The following PDE7B variants were observed in gnomAD, a reference collection of about 807,000 sequenced individuals.
PDE7B encodes the protein 3',5'-cyclic-AMP phosphodiesterase 7B.
PDE7B carries 29 observed loss-of-function variants against 56.2 expected under a neutral mutation model. The ratio of observed to expected loss-of-function variants is 0.52; its 90% CI spans 0.38 to 0.70. PDE7B has a LOEUF of 0.70. Among genes scored for constraint, PDE7B ranks in the 30% least tolerant of loss-of-function variants. The pLI is 0.00. For synonymous variants in PDE7B, 197 were observed against 196.9 expected (o/e 1.00, Z 0.00); for missense variants, 490 against 565.0 (o/e 0.87, Z 1.35).
chr6:135,881,141 T>G (rs1775602293), intron 1 of PDE7B, among the ~76,000 whole-genome samples: 1 of 152,036 alleles, frequency 6.6e-6, no homozygotes, highest in Admixed American at 6.6e-5. Flanking sequence ...TGCTGTTGTA[T>G]GAGGCTACAT....
At chr6:135,877,905 G>A (rs887308075) in intron 1 of PDE7B, among the ~76,000 whole-genome samples, 9 of 152,144 alleles carry the variant, frequency 5.9e-5, no homozygotes, top group East Asian at 1.9e-4. Context: ...GAAGGAGCTC[G>A]TATATTTATA....
intron 1 of PDE7B, among the ~76,000 whole-genome samples, chr6:135,937,941 A>G (rs1774449192): frequency 6.6e-6 from 1 of 152,230 alleles, no homozygotes; most frequent in Non-Finnish European, 1.5e-5. Context: ...TTCCTTCCGC[A>G]AAACCAGATA....
chr6:136,182,784 T>C (rs557448468), intron 11 of PDE7B, among the ~76,000 whole-genome samples: 2 of 152,266 alleles, frequency 1.3e-5, no homozygotes, highest in South Asian at 4.1e-4. Context: ...ATAAGATCTC[T>C]TTTCTTGGGC....
At chr6:136,154,240 C>A in intron 7 of PDE7B, 65 bp downstream of exon 7, 3 of 890,530 alleles carry the variant, frequency 3.4e-6, no homozygotes, top group Admixed American at 1.9e-5. Context: ...CTGCTAGGCC[C>A]AAGTTACCCA....
chr6:136,107,392 C>A (rs1777663650), intron 2 of PDE7B, among the ~76,000 whole-genome samples: 1 of 152,162 alleles, frequency 6.6e-6, no homozygotes, highest in African/African-American at 2.4e-5. Flanking sequence ...TCCTCTGATT[C>A]CATATTATAT....
At chr6:135,854,382 C>T (rs543464388) in intron 1 of PDE7B, among the ~76,000 whole-genome samples, 1 of 152,214 alleles carries the variant, frequency 6.6e-6, no homozygotes, top group South Asian at 2.1e-4. Context: ...AGTAGTTGAC[C>T]TCACATTGTT....
chr6:136,173,401 G>T lies in PDE7B; in HGVS notation c.712-396G>T, dbSNP rs1221680961. On this transcript the variant is annotated intron_variant, in intron 8 of 12. Coordinates refer to ENST00000308191, the MANE Select transcript of PDE7B (RefSeq NM_018945.4). ...AAACCTGAGAAAAACAAGCAATGGGGAAAGGATTCCCTATTTAATAAATGG... is the reference window on the plus strand; with the variant it reads ...AAACCTGAGAAAAACAAGCAATGGGTAAAGGATTCCCTATTTAATAAATGG... Among the ~76,000 whole-genome samples, 4 of 152,142 alleles carry T rather than the reference G, an allele frequency of 2.6e-5. No homozygotes were observed. In the East Asian group the frequency reaches 5.8e-4, roughly 22 times the overall value.
intron 2 of PDE7B, among the ~76,000 whole-genome samples, chr6:135,980,015 G>T (rs1043894084): frequency 1.1e-4 from 16 of 152,092 alleles, no homozygotes; most frequent in African/African-American, 3.9e-4. Context: ...AAAGCTGAAG[G>T]CATCATGCTG....
intron 1 of PDE7B, among the ~76,000 whole-genome samples, chr6:135,870,014 CAGGG>C (rs1775345026): frequency 6.6e-6 from 1 of 152,118 alleles, no homozygotes; most frequent in Admixed American, 6.6e-5. Flanking sequence ...ACCATGTAGA[CAGGG>C]AGGAGAGACC....
Position 135,876,852 on chromosome 6 carries a change from CTG to C in PDE7B, c.21+24837_21+24838del, listed in dbSNP as rs1200226405. 2.7e-5 allele frequency among the ~76,000 whole-genome samples: 4 copies of C among 145,682 alleles called. No individual in the cohort carries two copies. The South Asian group carries it at 6.3e-4, about 23-fold the overall frequency. On this transcript the variant is annotated intron_variant, in intron 1 of 12. Coordinates refer to ENST00000308191, the MANE Select transcript of PDE7B (RefSeq NM_018945.4). ...CCAGCCTGGGTGACAGTGAGAGACT[CTG>C]TGTCAAAAAAAAAAAAAATTCCCAT...
intron 6 of PDE7B, among the ~76,000 whole-genome samples, chr6:136,152,638 A>G (rs934353961): frequency 6.6e-6 from 1 of 152,146 alleles, no homozygotes; most frequent in Non-Finnish European, 1.5e-5. Context: ...GCATATTCTT[A>G]TTTATCTGCC....
chr6:135,861,640 C>T (rs1775148971), intron 1 of PDE7B, among the ~76,000 whole-genome samples: 1 of 151,272 alleles, frequency 6.6e-6, no homozygotes, highest in African/African-American at 2.4e-5. Flanking sequence ...TGATTCTTTA[C>T]ATTTTCATAA....
intron 3 of PDE7B, among the ~76,000 whole-genome samples, chr6:136,118,729 C>CAT (rs1219698102): frequency 6.6e-6 from 1 of 152,084 alleles, no homozygotes; most frequent in South Asian, 2.1e-4. Context: ...TTACAATGAA[C>CAT]ATATATATGC....
At chr6:136,182,706 C>T (rs1248365848) in intron 11 of PDE7B, among the ~76,000 whole-genome samples, 1 of 152,146 alleles carries the variant, frequency 6.6e-6, no homozygotes, top group Non-Finnish European at 1.5e-5. Flanking sequence ...ATAGTAAGGC[C>T]CATAGTGCCA....
At chr6:136,051,085 G>A (rs1733583861) in intron 2 of PDE7B, among the ~76,000 whole-genome samples, 1 of 149,454 alleles carries the variant, frequency 6.7e-6, no homozygotes, top group Non-Finnish European at 1.5e-5. Flanking sequence ...CTGAACCATT[G>A]CAGAAATTTT....
chr6:136,174,359 G>A (rs1778943800), intron 9 of PDE7B, among the ~76,000 whole-genome samples: 1 of 152,186 alleles, frequency 6.6e-6, no homozygotes, highest in South Asian at 2.1e-4. Context: ...CTTTTGCTAA[G>A]TAATTGAAAT....
chr6:136,190,239 A>G (rs536346323), intron 12 of PDE7B, among the ~76,000 whole-genome samples: 10 of 152,296 alleles, frequency 6.6e-5, no homozygotes, highest in African/African-American at 2.4e-4. Flanking sequence ...ACCCTGTACA[A>G]CCTTACCAAA....
chr6:135,932,627 C>T (rs1208775625), intron 1 of PDE7B, among the ~76,000 whole-genome samples: 1 of 152,116 alleles, frequency 6.6e-6, no homozygotes, highest in African/African-American at 2.4e-5. Context: ...AGGAGCTTTC[C>T]TGATCATATC....
At chr6:136,000,251 T>G (rs143039243) in intron 2 of PDE7B, among the ~76,000 whole-genome samples, 2,339 of 152,346 alleles carry the variant, frequency 0.015, 28 homozygotes, top group Non-Finnish European at 0.026. Context: ...CTCTTAAGTT[T>G]AATTAGATCC....
Sources: gnomAD v4.1 joint callset for allele counts (sites outside exome capture counted in the v4.1 genomes callset) on GRCh38, gnomAD v4.1.1 for gene constraint, MANE v1.5 for transcripts, NCBI Gene and HGNC (gene_info 2026-07-23, HGNC 2026-07-21) for gene names.